The following DNAH8 variants were observed in gnomAD, a reference collection of about 807,000 sequenced individuals.
DNAH8 encodes dynein axonemal heavy chain 8.
Under a neutral mutation model 562.1 loss-of-function variants are expected in DNAH8, and 382 were observed. The observed-to-expected ratio is 0.68, with a 90% confidence interval of 0.63 to 0.74. DNAH8 has a LOEUF of 0.74. Ranked by LOEUF, DNAH8 falls within the 30% of genes least tolerant of loss-of-function variation. DNAH8 has a pLI of 0.00. For synonymous variants in DNAH8, 1,881 were observed against 1,919.4 expected (o/e 0.98, Z 0.52); for missense variants, 5,203 against 5,620.4 (o/e 0.93, Z 2.37).
chr6:38,911,693 T>G (rs1780913969), intron 66 of DNAH8, 107 bp downstream of exon 66: 1 of 748,348 alleles, frequency 1.3e-6, no homozygotes, highest in African/African-American at 1.8e-5. Flanking sequence ...AATACTCACT[T>G]TGTTAGTAGT....
rs1436991070 is a variant in DNAH8, at chr6:38,783,122, T to A, written c.2378T>A (p.Ile793Asn). ...TATCACACAGCCTGGATCAGAGAGA[T>A]TTCACAGTTGCATTACGGTGTGTAT... is the stretch of plus-strand genomic sequence containing the variant. ...VVYHTAWIRE[I>N]SQLHYALQAT... Residue 793 changes from isoleucine (I) to asparagine (N), a missense_variant, in exon 17 of 93, where the codon ATT becomes AAT. This residue lies in a region of DNAH8 where 2,176 missense variants were observed against 2,365.1 expected (regional missense o/e 0.92). Transcript: ENST00000327475. 3 of 1,613,956 alleles carry A rather than the reference T, an allele frequency of 1.9e-6. No individual in the cohort carries two copies. Among genetic ancestry groups the A allele is most frequent in the South Asian group, 2.2e-5 (2 of 91,058 alleles).
At chr6:38,859,607 G>C (rs1240652305) in intron 42 of DNAH8, among the ~76,000 whole-genome samples, 1 of 152,204 alleles carries the variant, frequency 6.6e-6, no homozygotes, top group African/African-American at 2.4e-5. Context: ...TGTTTCACCA[G>C]TTTCACTGGA....
At chr6:38,977,084 G>A (rs1763722939) in intron 85 of DNAH8, among the ~76,000 whole-genome samples, 1 of 152,218 alleles carries the variant, frequency 6.6e-6, no homozygotes, top group Non-Finnish European at 1.5e-5. Flanking sequence ...TTCAGTTGCA[G>A]GGAACAAAAT....
intron 8 of DNAH8, chr6:38,744,339 A>G (rs1441244013): frequency 6.6e-6 from 1 of 152,182 alleles, no homozygotes. Flanking sequence ...ATGCCTATGC[A>G]TAGCCACTGC....
chr6:38,864,151 C>A, intron 45 of DNAH8, 91 bp downstream of exon 45: 2 of 1,179,232 alleles, frequency 1.7e-6, no homozygotes, highest in Non-Finnish European at 2.4e-6. Flanking sequence ...AGATGACCAA[C>A]TATCCAGGAG....
chr6:38,827,446 T>C (rs1773430772), intron 29 of DNAH8, among the ~76,000 whole-genome samples: 2 of 152,182 alleles, frequency 1.3e-5, no homozygotes, highest in African/African-American at 4.8e-5. Flanking sequence ...TTCTTTTTAT[T>C]ATTGGTTTTG....
At chr6:38,783,549 C>T (rs1294876174) in intron 17 of DNAH8, among the ~76,000 whole-genome samples, 1 of 152,148 alleles carries the variant, frequency 6.6e-6, no homozygotes, top group Non-Finnish European at 1.5e-5. Flanking sequence ...TGTGTCTCTC[C>T]TTTACTTTCT....
intron 11 of DNAH8, among the ~76,000 whole-genome samples, chr6:38,768,181 T>G (rs1256969271): frequency 2.0e-5 from 3 of 152,162 alleles, no homozygotes; most frequent in East Asian, 1.9e-4. Context: ...GTTGTTGAGT[T>G]GTAGGATTTC....
intron 87 of DNAH8, among the ~76,000 whole-genome samples, chr6:38,986,120 AG>A (rs1235037038): frequency 6.6e-6 from 1 of 152,226 alleles, no homozygotes; most frequent in African/African-American, 2.4e-5. Flanking sequence ...CCTGCTCCTG[AG>A]TATATGTCCC....
chr6:38,960,918 G>T (rs1323439947), intron 82 of DNAH8, among the ~76,000 whole-genome samples: 1 of 151,876 alleles, frequency 6.6e-6, no homozygotes, highest in African/African-American at 2.4e-5. Context: ...TAAAAGCCAA[G>T]ATATAGAATC....
At chr6:38,994,172 C>T (rs958390677) in intron 88 of DNAH8, among the ~76,000 whole-genome samples, 1 of 152,252 alleles carries the variant, frequency 6.6e-6, no homozygotes, top group Middle Eastern at 3.4e-3. Context: ...AGAAAATTTT[C>T]ATATACTTAA....
chr6:39,012,693 G>C (rs1766300416), intron 91 of DNAH8, 56 bp downstream of exon 91: 2 of 1,346,292 alleles, frequency 1.5e-6, no homozygotes, highest in African/African-American at 2.9e-5. Flanking sequence ...TTGGATAGTA[G>C]CATCGTGTGA....
chr6:39,013,784 A>C (rs567354242), intron 91 of DNAH8, among the ~76,000 whole-genome samples: 50 of 151,952 alleles, frequency 3.3e-4, no homozygotes, highest in Non-Finnish European at 6.6e-4. Flanking sequence ...CTGGAAGATC[A>C]AGATTGCAGT....
At chr6:38,918,194 C>A in intron 70 of DNAH8, 54 bp downstream of exon 70, 2 of 1,278,268 alleles carry the variant, frequency 1.6e-6, no homozygotes, top group Non-Finnish European at 1.1e-6. Context: ...AATCAGTCAT[C>A]AGTATTACTG....
Position 38,814,019 on chromosome 6 carries a change from T to A in DNAH8, c.3258-35T>A, listed in dbSNP as rs778614763. 3.5e-6 allele frequency: 5 copies of A among 1,416,434 alleles called. No individual in the cohort carries two copies. The South Asian group carries it at 6.0e-5, about 17-fold the overall frequency. 87.7% of individuals were successfully genotyped at this position (1,416,434 alleles called of 1,614,324 possible). A position where few individuals can be genotyped will look rare whatever the true frequency, so the allele number is the denominator to read the frequency against. On this transcript the variant is annotated intron_variant, in intron 24 of 92. Coordinates refer to ENST00000327475, the MANE Select transcript of DNAH8 (RefSeq NM_001206927.2). ...ATAAACTAACAATGAAATTTTAGGG[T>A]AAGGTTCATCAGCTAAATGTCCATC...
chr6:38,760,987 C>T (rs1324179089), intron 10 of DNAH8, among the ~76,000 whole-genome samples: 1 of 151,988 alleles, frequency 6.6e-6, no homozygotes, highest in Non-Finnish European at 1.5e-5. Context: ...TTTATTCTCT[C>T]CCCTTGCATC....
At chr6:38,813,072 A>C (rs1307619749) in intron 24 of DNAH8, among the ~76,000 whole-genome samples, 1 of 152,220 alleles carries the variant, frequency 6.6e-6, no homozygotes, top group South Asian at 2.1e-4. Context: ...ATTTTGGAGA[A>C]TACCTTCAGC....
chr6:38,936,420 C>G (rs1278838441), intron 77 of DNAH8: 3 of 152,056 alleles, frequency 2.0e-5, no homozygotes, highest in Admixed American at 6.6e-5. Context: ...AAAATTTTAT[C>G]CAAAGAAAAT....
intron 8 of DNAH8, among the ~76,000 whole-genome samples, chr6:38,746,803 C>A (rs1398677729): frequency 6.6e-6 from 1 of 152,006 alleles, no homozygotes; most frequent in Non-Finnish European, 1.5e-5. Context: ...GTGGTGCATG[C>A]CTGTAATCCC....
Sources: allele counts gnomAD v4.1 joint callset (sites outside exome capture counted in the v4.1 genomes callset), GRCh38; gene constraint gnomAD v4.1.1; regional missense constraint gnomAD v4.1.1; transcripts MANE v1.5; gene names NCBI Gene and HGNC (gene_info 2026-07-23, HGNC 2026-07-21).